SCNN1B: variants seen among roughly 807,000 people sequenced by gnomAD.
SCNN1B encodes the protein sodium channel epithelial 1 subunit beta.
SCNN1B carries 46 observed loss-of-function variants against 65.3 expected under a neutral mutation model. The observed-to-expected ratio is 0.70, with a 90% CI of 0.56 to 0.90. The LOEUF (loss-of-function observed/expected upper bound fraction) is 0.90. Among genes scored for constraint, SCNN1B ranks in the 40% least tolerant of loss-of-function variants. The pLI is 0.00. For synonymous variants in SCNN1B, 349 were observed against 330.6 expected, an observed-to-expected ratio of 1.06 and a Z score of -0.60; for missense variants, 751 against 830.5, an observed-to-expected ratio of 0.90 and a Z score of 1.18.
At chr16:23,283,029 C>CT (rs745348473) in intron 1 of SCNN1B, among the ~76,000 whole-genome samples, 5 of 152,232 alleles carry the variant, frequency 3.3e-5, no homozygotes, top group Admixed American at 6.5e-5. Flanking sequence ...AACTTGGGGG[C>CT]TTGCCTATCC....
Position 23,348,468 on chromosome 16 carries a change from G to A in SCNN1B, c.-8-124G>A, listed in dbSNP as rs1962233640. On this transcript the variant is annotated intron_variant, in intron 1 of 12. Transcript: ENST00000343070. The surrounding 1 kb of genome is among the most constrained non-coding windows in gnomAD (Gnocchi z 4.5). ...AGAAGGAAAAAAGGGAGGGAGGGAGGGGGGAGGGTAAAGAGGGAGGAAGAA... is the reference window on the plus strand; with the variant it reads ...AGAAGGAAAAAAGGGAGGGAGGGAGAGGGGAGGGTAAAGAGGGAGGAAGAA... 8.2e-6 allele frequency: 6 copies of A among 734,890 alleles called. No individual in the cohort carries two copies. The highest frequency in any genetic ancestry group is 2.8e-5 in the East Asian group (1 of 35,416). 45.5% of individuals were successfully genotyped at this position (734,890 alleles called of 1,614,324 possible).
intron 2 of SCNN1B, among the ~76,000 whole-genome samples, chr16:23,286,592 A>G (rs1055726626): frequency 2.0e-5 from 3 of 152,250 alleles, no homozygotes; most frequent in Non-Finnish European, 4.4e-5. Flanking sequence ...TGATCAAACC[A>G]TAGATTTAGC....
rs559510781 is a variant in SCNN1B, at chr16:23,331,376, G to C, written c.-8-17216G>C. Among the ~76,000 whole-genome samples the C allele has an allele frequency of 3.3e-5, 5 of 150,756 alleles. No individual in the cohort carries two copies. In the South Asian group the frequency reaches 1.1e-3, roughly 32 times the overall value. On this transcript the variant is annotated intron_variant, in intron 1 of 12. Coordinates refer to ENST00000343070, the MANE Select transcript of SCNN1B (RefSeq NM_000336.3). ...GTCTCACTTTGTCATCCAGGCTGGA[G>C]TGCAGTGGTGCAATCTCTACTCACT... is the stretch of plus-strand genomic sequence containing the variant.
In SCNN1B at chr16:23,348,852, G is replaced by T; in HGVS notation, c.253G>T (p.Val85Leu). The change falls in exon 2 of 13, where the codon GTA (valine) becomes TTA (leucine). Residue 85 changes from valine (V) to leucine (L), a missense_variant. Coordinates refer to ENST00000343070, the MANE Select transcript of SCNN1B (RefSeq NM_000336.3). This position sits in a 1 kb window ranked among gnomAD's most constrained non-coding sequence, Gnocchi z 4.5. The stretch of plus-strand genomic sequence containing the variant: ...CTGGGAGGTCAGCGTCTCCCTCTCC[G>T]TAGGCTTCAAGACCATGGACTTCCC... ...LSWEVSVSLS[V>L]GFKTMDFPAV... 1.2e-6 allele frequency: 2 copies of T among 1,614,064 alleles called. No homozygotes were observed. Among genetic ancestry groups the T allele is most frequent in the South Asian group, 1.1e-5 (1 of 91,072 alleles).
intron 5 of SCNN1B, among the ~76,000 whole-genome samples, chr16:23,370,007 T>A (rs941517014): frequency 1.3e-5 from 2 of 152,202 alleles, no homozygotes; most frequent in African/African-American, 4.8e-5. Context: ...CTTGGCTCAC[T>A]GCAACCTCCG....
rs1447025760 is a variant in SCNN1B at position 23,285,668 on chromosome 16, A to AT, written n.178+1864_178+1865insT. ...AGTAAAAAAACAATAATAATAAAAA[A>AT]AAATAATAAAAAATACAATAATAGT... On this transcript the variant is annotated intron_variant and non_coding_transcript_variant, in intron 2 of 3. Transcript: ENST00000569789. Among the ~76,000 whole-genome samples, 221 of 121,012 alleles carry AT rather than the reference A, an allele frequency of 1.8e-3. 1 individual carries two copies. Among genetic ancestry groups the AT allele is most frequent in the African/African-American group, 8.6e-3 (213 of 24,830 alleles). The allele number at this position is 121,012 out of a possible 152,430, so 79.4% of individuals were successfully genotyped here.
intron 4 of SCNN1B, chr16:23,358,371 G>C (rs1426850718): frequency 1.3e-5 from 2 of 152,102 alleles, no homozygotes; most frequent in East Asian, 3.9e-4. Flanking sequence ...CAAGGCTTGG[G>C]GTCTGGGGTT....
intron 1 of SCNN1B, among the ~76,000 whole-genome samples, chr16:23,332,061 C>T (rs781740960): frequency 6.6e-5 from 10 of 152,134 alleles, no homozygotes; most frequent in Non-Finnish European, 1.3e-4. Context: ...CAGGGTCCTG[C>T]TCTATTGCCC....
At chr16:23,333,001 G>A (rs548226441) in intron 1 of SCNN1B, among the ~76,000 whole-genome samples, 10 of 152,096 alleles carry the variant, frequency 6.6e-5, no homozygotes, top group Admixed American at 2.0e-4. Context: ...AACCTGGGGG[G>A]CAGAGGTTGC....
chr16:23,353,674 A>G (rs950884069), intron 3 of SCNN1B, among the ~76,000 whole-genome samples: 2 of 152,342 alleles, frequency 1.3e-5, no homozygotes, highest in Middle Eastern at 6.8e-3. Context: ...ACATGGACTG[A>G]GCAAGGGGGA....
At chr16:23,351,835 C>T (rs555002219) in intron 2 of SCNN1B, among the ~76,000 whole-genome samples, 1 of 152,332 alleles carries the variant, frequency 6.6e-6, no homozygotes, top group African/African-American at 2.4e-5. Context: ...TTCATTTTCT[C>T]TCTCTTGAAA....
At chr16:23,364,293 G>A (rs757907193) in intron 4 of SCNN1B, among the ~76,000 whole-genome samples, 7 of 152,162 alleles carry the variant, frequency 4.6e-5, no homozygotes, top group Non-Finnish European at 4.4e-5. Flanking sequence ...ACTTTGCATA[G>A]GGGTTCAGGG....
chr16:23,365,579 G>GAA (rs1158634483), intron 4 of SCNN1B, among the ~76,000 whole-genome samples: 1 of 81,900 alleles, frequency 1.2e-5, no homozygotes, highest in African/African-American at 1.0e-4. Context: ...AAGAAAGAAA[G>GAA]AAAGAAAGAG....
upstream of SCNN1B, among the ~76,000 whole-genome samples, chr16:23,298,637 G>A (rs776787868): frequency 1.3e-5 from 2 of 152,100 alleles, no homozygotes; most frequent in East Asian, 3.9e-4. Flanking sequence ...ACCTCAAAAC[G>A]ATCCACAGTT....
intron 1 of SCNN1B, among the ~76,000 whole-genome samples, chr16:23,313,376 C>T (rs1164347335): frequency 6.6e-6 from 1 of 152,142 alleles, no homozygotes; most frequent in Non-Finnish European, 1.5e-5. Context: ...TCTTATGATC[C>T]AGCTGGCTAA....
upstream of SCNN1B, among the ~76,000 whole-genome samples, chr16:23,297,421 C>T (rs1219139337): frequency 1.3e-5 from 2 of 152,170 alleles, no homozygotes; most frequent in Non-Finnish European, 2.9e-5. Context: ...ACAGATACCC[C>T]AAGATGGCTT....
chr16:23,280,734 G>A (rs982601622), intron 1 of SCNN1B, among the ~76,000 whole-genome samples: 3 of 152,196 alleles, frequency 2.0e-5, no homozygotes, highest in African/African-American at 4.8e-5. Context: ...TAGAGAAGGT[G>A]TGGTCTGGGT....
chr16:23,293,433 T>C (rs902857006), intron 2 of SCNN1B, among the ~76,000 whole-genome samples: 1 of 152,132 alleles, frequency 6.6e-6, no homozygotes, highest in East Asian at 1.9e-4. Context: ...AAAAACGAGT[T>C]TGATTCCACT....
chr16:23,354,408 C>A (rs1001940127), intron 3 of SCNN1B, among the ~76,000 whole-genome samples: 3 of 152,248 alleles, frequency 2.0e-5, no homozygotes, highest in Non-Finnish European at 2.9e-5. Context: ...CTTCTCTATC[C>A]GGCTTCCCGG....
Sources: gnomAD v4.1 joint callset for allele counts (sites outside exome capture counted in the v4.1 genomes callset) on GRCh38, gnomAD v4.1.1 for gene constraint, Gnocchi (gnomAD v3.1) non-coding constraint, MANE v1.5 for transcripts, NCBI Gene and HGNC (gene_info 2026-07-23, HGNC 2026-07-21) for gene names.